ADAM2: variants seen among roughly 807,000 people sequenced by gnomAD.
The protein encoded by ADAM2 is disintegrin and metalloproteinase domain-containing protein 2.
A neutral mutation model predicts 99.3 loss-of-function variants in ADAM2; 101 were observed. The ratio of observed to expected loss-of-function variants is 1.02; its 90% CI spans 0.87 to 1.20. The LOEUF is 1.20. Ranked by LOEUF, ADAM2 falls within the 50% of genes most tolerant of loss-of-function variation. The pLI is 0.00. For missense variants in ADAM2, 948 were observed against 878.7 expected, an observed-to-expected ratio of 1.08 and a Z score of -1.00; for synonymous variants, 323 against 287.6, an observed-to-expected ratio of 1.12 and a Z score of -1.25.
intron 11 of ADAM2, among the ~76,000 whole-genome samples, chr8:39,772,286 CA>C (rs766462533): frequency 2.0e-5 from 3 of 151,756 alleles, no homozygotes; most frequent in Non-Finnish European, 4.4e-5. Flanking sequence ...CTTCATTGTA[CA>C]ATGTCTAAAT....
intron 16 of ADAM2, among the ~76,000 whole-genome samples, chr8:39,750,600 C>T (rs893269081): frequency 1.3e-5 from 2 of 152,058 alleles, no homozygotes; most frequent in African/African-American, 4.8e-5. Flanking sequence ...AAATGATAAG[C>T]ATACAATGAA....
chr8:39,818,079 A>T (rs1193856063), intron 6 of ADAM2: 5 of 152,030 alleles, frequency 3.3e-5, no homozygotes, highest in African/African-American at 1.2e-4. Flanking sequence ...TCATTTCGTG[A>T]AGTTTGTAAC....
chr8:39,809,464 TG>T lies in ADAM2; in HGVS notation c.515del (p.Pro172HisfsTer9). The T allele has an allele frequency of 7.0e-7, 1 of 1,428,316 alleles. No individual in the cohort carries two copies. The highest frequency in any genetic ancestry group is 9.7e-7 in the Non-Finnish European group (1 of 1,026,022). 88.5% of individuals were successfully genotyped at this position (1,428,316 alleles called of 1,614,324 possible). A position where few individuals can be genotyped will look rare whatever the true frequency, so the allele number is the denominator to read the frequency against. Reference sequence around the variant, plus strand: ...CTATATACTTTGCAAAATCTTGCTGTGGCTGAAAAAATCCACAAATTTTACA... The same window carrying T: ...CTATATACTTTGCAAAATCTTGCTGTGCTGAAAAAATCCACAAATTTTACA... Reference protein sequence around the residue: ...DLSFKLQSVEPQQDFAKYIEM... With the variant: ...DLSFKLQSVEXQQDFAKYIEM... On this transcript the variant is annotated frameshift_variant and splice_region_variant, in exon 7 of 21. Coordinates refer to ENST00000265708, the MANE Select transcript of ADAM2 (RefSeq NM_001464.5). LOFTEE classifies it high-confidence loss of function.
At chr8:39,818,578 A>C (rs1805045600) in intron 6 of ADAM2, among the ~76,000 whole-genome samples, 1 of 152,054 alleles carries the variant, frequency 6.6e-6, no homozygotes, top group African/African-American at 2.4e-5. Context: ...AGTAATCAGG[A>C]CAATTAAGTA....
At chr8:39,762,213 T>A (rs1473986997) in intron 14 of ADAM2, among the ~76,000 whole-genome samples, 2 of 152,256 alleles carry the variant, frequency 1.3e-5, no homozygotes, top group Non-Finnish European at 2.9e-5. Context: ...ATAATGTTGC[T>A]GCAGCATGAA....
chr8:39,770,369 A>G (rs1802733917), intron 11 of ADAM2, among the ~76,000 whole-genome samples: 1 of 152,210 alleles, frequency 6.6e-6, no homozygotes, highest in Non-Finnish European at 1.5e-5. Context: ...TATCACCTGA[A>G]CTCAAGTCCA....
chr8:39,748,048 T>C (rs560194819), intron 18 of ADAM2, among the ~76,000 whole-genome samples: 1 of 152,278 alleles, frequency 6.6e-6, no homozygotes, highest in South Asian at 2.1e-4. Context: ...AACACTAGAT[T>C]TTGCTCACAA....
chr8:39,788,548 A>T, intron 8 of ADAM2, 121 bp downstream of exon 8: 2 of 678,158 alleles, frequency 2.9e-6, no homozygotes, highest in Non-Finnish European at 4.6e-6. Context: ...AGTAAAATTT[A>T]AAATAAAACT....
intron 11 of ADAM2, among the ~76,000 whole-genome samples, chr8:39,772,501 T>C (rs1189113581): frequency 1.3e-5 from 2 of 152,076 alleles, no homozygotes; most frequent in Admixed American, 6.6e-5. Context: ...TGGAAGCCAC[T>C]GTGTAGAAAT....
At chr8:39,752,648 G>A (rs570598303) in intron 16 of ADAM2, among the ~76,000 whole-genome samples, 7 of 152,236 alleles carry the variant, frequency 4.6e-5, no homozygotes, top group Admixed American at 2.0e-4. Flanking sequence ...AAAAGATTAC[G>A]GTGGAGATGT....
rs563132616 is a variant in ADAM2 at position 39,837,053 on chromosome 8, G to A, written c.132+83C>T. The A allele has an allele frequency of 1.6e-5, 17 of 1,088,572 alleles. No individual in the cohort carries two copies. In the African/African-American group the frequency reaches 2.4e-4, roughly 15 times the overall value. The allele number at this position is 1,088,572 out of a possible 1,614,324, so 67.4% of individuals were successfully genotyped here. A position where few individuals can be genotyped will look rare whatever the true frequency, so the allele number is the denominator to read the frequency against. On this transcript the variant is annotated intron_variant, in intron 2 of 20. Coordinates refer to ENST00000265708, the MANE Select transcript of ADAM2 (RefSeq NM_001464.5). The stretch of plus-strand genomic sequence containing the variant: ...AATATAAAATTCAACAGGTGTGCAT[G>A]AATGAAAAATGGCAGATTAACTTCT...
At chr8:39,812,188 G>T (rs1804731534) in intron 6 of ADAM2, among the ~76,000 whole-genome samples, 1 of 152,088 alleles carries the variant, frequency 6.6e-6, no homozygotes, top group South Asian at 2.1e-4. Context: ...GCTTCAAAGA[G>T]AATAAAATAC....
intron 16 of ADAM2, among the ~76,000 whole-genome samples, chr8:39,754,914 T>C (rs1164183485): frequency 6.6e-6 from 1 of 152,204 alleles, no homozygotes; most frequent in Non-Finnish European, 1.5e-5. Flanking sequence ...AAGATAGTTA[T>C]GTAGACAGAT....
intron 3 of ADAM2, among the ~76,000 whole-genome samples, chr8:39,827,558 A>G (rs2129588819): frequency 6.6e-6 from 1 of 152,298 alleles, no homozygotes. Context: ...TCATAAAAAC[A>G]AAAGAAATTC....
chr8:39,788,621 G>T, intron 8 of ADAM2, 48 bp downstream of exon 8: 1 of 1,322,470 alleles, frequency 7.6e-7, no homozygotes, highest in Non-Finnish European at 1.1e-6. Context: ...TGTAGAAATT[G>T]TTTTAGTAAC....
chr8:39,761,018 G>A (rs1220350863), intron 15 of ADAM2, among the ~76,000 whole-genome samples, 158 bp downstream of exon 15: 2 of 151,980 alleles, frequency 1.3e-5, no homozygotes, highest in East Asian at 3.9e-4. Flanking sequence ...TTTGGTTATA[G>A]GAGAGGAGAA....
intron 11 of ADAM2, among the ~76,000 whole-genome samples, chr8:39,774,268 C>T (rs1262966759): frequency 6.6e-6 from 1 of 151,868 alleles, no homozygotes; most frequent in Non-Finnish European, 1.5e-5. Context: ...ACAAAGACAG[C>T]CACACATCAA....
chr8:39,812,245 A>G (rs1290259879), intron 6 of ADAM2, among the ~76,000 whole-genome samples: 1 of 152,224 alleles, frequency 6.6e-6, no homozygotes, highest in Admixed American at 6.5e-5. Flanking sequence ...TTCAAGGAGA[A>G]CTACAAACCA....
intron 6 of ADAM2, among the ~76,000 whole-genome samples, chr8:39,819,667 T>C (rs1266025361): frequency 6.6e-6 from 1 of 152,164 alleles, no homozygotes; most frequent in Non-Finnish European, 1.5e-5. Flanking sequence ...AAGGGAATTC[T>C]GCCAGCAGAC....
Sources: gnomAD v4.1 joint callset for allele counts (sites outside exome capture counted in the v4.1 genomes callset) on GRCh38, gnomAD v4.1.1 for gene constraint, MANE v1.5 for transcripts, NCBI Gene and HGNC (gene_info 2026-07-23, HGNC 2026-07-21) for gene names.